The following FBXO25 variants were observed in gnomAD, a reference collection of about 807,000 sequenced individuals.
FBXO25 encodes the protein F-box only protein 25.
In FBXO25, 45 loss-of-function variants were observed where a neutral mutation model predicts 51.9. That is an observed-to-expected ratio of 0.87 (90% CI 0.68 to 1.11). The LOEUF is 1.11. Among genes scored for constraint, FBXO25 ranks in the 50% most tolerant of loss-of-function variants. FBXO25 has a pLI of 0.00. For missense variants in FBXO25, 507 were observed against 428.5 expected (o/e 1.18, Z -1.62); for synonymous variants, 199 against 151.0 (o/e 1.32, Z -2.33).
At chr8:429,286 C>G (rs1023453511) in intron 2 of FBXO25, among the ~76,000 whole-genome samples, 10 of 152,064 alleles carry the variant, frequency 6.6e-5, no homozygotes, top group African/African-American at 2.4e-4. Flanking sequence ...TTGCATTTAC[C>G]TAACAATTGG....
chr8:468,629 C>G, intron 9 of FBXO25, 86 bp from the exon 10 acceptor site: 2 of 1,009,914 alleles, frequency 2.0e-6, no homozygotes, highest in Non-Finnish European at 3.0e-6. Context: ...TCCACATCAA[C>G]AAGCAGCTGA....
intron 9 of FBXO25, among the ~76,000 whole-genome samples, chr8:464,601 T>C (rs75960979): frequency 0.014 from 2,180 of 152,346 alleles, 14 homozygotes; most frequent in Non-Finnish European, 0.022. Context: ...ATATTTGTTA[T>C]CAGATAGGTC....
intron 9 of FBXO25, among the ~76,000 whole-genome samples, chr8:463,954 A>G (rs1799984137): frequency 6.7e-6 from 1 of 149,924 alleles, no homozygotes; most frequent in Non-Finnish European, 1.5e-5. Context: ...ACACCCAGCT[A>G]ATTCACTTCT....
At chr8:462,901 T>A in intron 8 of FBXO25, 106 bp from the exon 9 acceptor site, 1 of 1,343,086 alleles carries the variant, frequency 7.4e-7, no homozygotes, top group South Asian at 1.5e-5. Flanking sequence ...TATTGAAGTT[T>A]AAAAAAAGAA....
At chr8:444,184 C>G (rs1021683801) in intron 5 of FBXO25, among the ~76,000 whole-genome samples, 3 of 152,314 alleles carry the variant, frequency 2.0e-5, no homozygotes, top group East Asian at 1.9e-4. Context: ...TGAAGGAACC[C>G]AAAGGCGAAG....
At chr8:455,942 C>G (rs185139652) in intron 7 of FBXO25, among the ~76,000 whole-genome samples, 201 of 152,350 alleles carry the variant, frequency 1.3e-3, no homozygotes, top group African/African-American at 4.6e-3. Context: ...AAACTGGACT[C>G]TGCCAGAAAT....
At chr8:454,845 C>G (rs1471458333) in intron 7 of FBXO25, among the ~76,000 whole-genome samples, 2 of 147,436 alleles carry the variant, frequency 1.4e-5, no homozygotes, top group Non-Finnish European at 3.0e-5. Context: ...GAACTGAGAT[C>G]ACACCACTGC....
At chr8:451,927 A>T (rs1481482877) in intron 7 of FBXO25, among the ~76,000 whole-genome samples, 1 of 152,046 alleles carries the variant, frequency 6.6e-6, no homozygotes, top group Non-Finnish European at 1.5e-5. Context: ...TTTTTTTGAT[A>T]TTTTTTCTTT....
At chr8:425,087 C>T (rs984890956) in intron 2 of FBXO25, among the ~76,000 whole-genome samples, 2 of 152,068 alleles carry the variant, frequency 1.3e-5, no homozygotes, top group African/African-American at 4.8e-5. Context: ...TGACCACACC[C>T]GGGTCAAGGA....
rs189584980 is a variant in FBXO25, at chr8:458,232, C to G, written c.661-137C>G. 730 of 957,260 alleles carry G rather than the reference C, an allele frequency of 7.6e-4. 3 individuals are homozygous for G. Among genetic ancestry groups the G allele is most frequent in the Non-Finnish European group, 1.1e-3 (676 of 638,054 alleles). 59.3% of individuals were successfully genotyped at this position (957,260 alleles called of 1,614,324 possible). A position where few individuals can be genotyped will look rare whatever the true frequency, so the allele number is the denominator to read the frequency against. ...GGTGGTGGATGCAGGCCCCTTGACA[C>G]CTTGCGACGCATGACATGGAGAGCT... On this transcript the variant is annotated intron_variant, in intron 7 of 9. Transcript: ENST00000350302.
intron 7 of FBXO25, among the ~76,000 whole-genome samples, chr8:454,520 G>A (rs1374357347): frequency 2.0e-5 from 3 of 152,236 alleles, no homozygotes; most frequent in African/African-American, 4.8e-5. Context: ...ACAGAACTCA[G>A]TGGGGTGTTA....
Position 471,789 on chromosome 8 carries a change from G to A in FBXO25, c.*2985G>A, listed in dbSNP as rs1472567996. 1.3e-5 allele frequency: 2 copies of A among 152,212 alleles called. No individual in the cohort carries two copies. Among genetic ancestry groups the A allele is most frequent in the African/African-American group, 2.4e-5 (1 of 41,450 alleles). The allele number at this position is 152,212 out of a possible 1,614,324, so 9.4% of individuals were successfully genotyped here. ...CTCAGGAGCAGACCGATTTGTAGCT[G>A]TCGTGGTTTACTGCATGACGTACAG... On this transcript the variant is annotated 3_prime_UTR_variant, in exon 10 of 10. Coordinates refer to ENST00000350302, the MANE Select transcript of FBXO25 (RefSeq NM_183420.2).
intron 1 of FBXO25, among the ~76,000 whole-genome samples, chr8:409,401 TC>T (rs1180133235): frequency 6.6e-6 from 1 of 152,198 alleles, no homozygotes; most frequent in African/African-American, 2.4e-5. Flanking sequence ...TTCACTCCTT[TC>T]AACCCTTAAA....
intron 2 of FBXO25, among the ~76,000 whole-genome samples, chr8:427,712 A>C (rs1248277705): frequency 6.7e-6 from 1 of 149,958 alleles, no homozygotes. Flanking sequence ...GTACTTTAAT[A>C]ATTATTAAAA....
intron 5 of FBXO25, among the ~76,000 whole-genome samples, chr8:436,498 C>T (rs79022191): frequency 6.6e-6 from 1 of 152,188 alleles, no homozygotes. Flanking sequence ...CAGTTTGCTT[C>T]TGAGCAGAAT....
In FBXO25 at chr8:472,309, A is replaced by G. The variant is rs1335278823; in HGVS notation, c.*3505A>G. The G allele has an allele frequency of 6.6e-6, 1 of 152,194 alleles. No individual in the cohort carries two copies. Among genetic ancestry groups the G allele is most frequent in the African/African-American group, 2.4e-5 (1 of 41,460 alleles). The allele number at this position is 152,194 out of a possible 1,614,324, so 9.4% of individuals were successfully genotyped here. Reference sequence around the variant, plus strand: ...AAATGCTTTTTCTGCATCTCTTAAGATAATGTAGTTTTTGGCCTTCATAAG... The same window carrying G: ...AAATGCTTTTTCTGCATCTCTTAAGGTAATGTAGTTTTTGGCCTTCATAAG... On this transcript the variant is annotated 3_prime_UTR_variant, in exon 10 of 10. Coordinates refer to ENST00000350302, the MANE Select transcript of FBXO25 (RefSeq NM_183420.2).
At chr8:442,632 G>A (rs1798496981) in intron 5 of FBXO25, among the ~76,000 whole-genome samples, 1 of 151,976 alleles carries the variant, frequency 6.6e-6, no homozygotes, top group African/African-American at 2.4e-5. Flanking sequence ...ACCACGCCTG[G>A]CTAATTTTTG....
intron 3 of FBXO25, among the ~76,000 whole-genome samples, chr8:432,547 C>G (rs952493368): frequency 1.3e-5 from 2 of 152,198 alleles, no homozygotes; most frequent in African/African-American, 4.8e-5. Flanking sequence ...GTACCATACA[C>G]AGCAACAGAA....
At chr8:446,612 A>G (rs1798754380) in intron 5 of FBXO25, among the ~76,000 whole-genome samples, 1 of 152,232 alleles carries the variant, frequency 6.6e-6, no homozygotes, top group South Asian at 2.1e-4. Context: ...GTGCTATTCA[A>G]CACTAAAACA....
Sources: gnomAD v4.1 joint callset for allele counts (sites outside exome capture counted in the v4.1 genomes callset) on GRCh38, gnomAD v4.1.1 for gene constraint, MANE v1.5 for transcripts, NCBI Gene and HGNC (gene_info 2026-07-23, HGNC 2026-07-21) for gene names.